The following CYTH1 variants were observed in gnomAD, a reference collection of about 807,000 sequenced individuals.
CYTH1 encodes the protein cytohesin-1.
In CYTH1, 18 loss-of-function variants were observed where a neutral mutation model predicts 61.8. That is an observed-to-expected ratio of 0.29 (90% CI 0.20 to 0.43). The LOEUF (loss-of-function observed/expected upper bound fraction) is 0.43. Ranked by LOEUF, CYTH1 falls within the 20% of genes least tolerant of loss-of-function variation. The pLI is 1.00. For missense variants in CYTH1, 336 were observed against 510.5 expected (o/e 0.66, Z 3.29); for synonymous variants, 174 against 184.3 (o/e 0.94, Z 0.45).
intron 1 of CYTH1, among the ~76,000 whole-genome samples, chr17:78,722,671 T>C (rs867955951): frequency 1.5e-4 from 23 of 152,352 alleles, no homozygotes; most frequent in African/African-American, 5.3e-4. Flanking sequence ...ATCTGTTTGT[T>C]TGCTAGCCCT....
At chr17:78,763,822 T>C (rs2093437981) in intron 1 of CYTH1, among the ~76,000 whole-genome samples, 2 of 152,188 alleles carry the variant, frequency 1.3e-5, no homozygotes, top group Non-Finnish European at 2.9e-5. Context: ...CTTTCAAACA[T>C]AGAATAGGCC....
intron 1 of CYTH1, among the ~76,000 whole-genome samples, chr17:78,743,120 A>ATTTT (rs2093347573): frequency 1.3e-5 from 2 of 152,258 alleles, no homozygotes; most frequent in Non-Finnish European, 2.9e-5. Context: ...TTGTAGAGAC[A>ATTTT]GAAAGATGTC....
At chr17:78,692,583 A>C (rs999692953) in intron 10 of CYTH1, 90 bp from the exon 11 acceptor site, 37 of 1,279,270 alleles carry the variant, frequency 2.9e-5, no homozygotes, top group Non-Finnish European at 4.2e-5. Flanking sequence ...CTTCTCAGAG[A>C]GGGTTGGGGG....
chr17:78,689,579 C>A (rs918440335), intron 11 of CYTH1, among the ~76,000 whole-genome samples: 26 of 152,208 alleles, frequency 1.7e-4, no homozygotes, highest in Non-Finnish European at 1.5e-5. Flanking sequence ...TCGCCTGCCA[C>A]TCACCTCCCG....
Position 78,698,286 on chromosome 17 carries a change from C to T in CYTH1, c.794G>A (p.Gly265Asp). The T allele has an allele frequency of 6.2e-7, 1 of 1,613,378 alleles. No individual in the cohort carries two copies. The highest frequency in any genetic ancestry group is 8.5e-7 in the Non-Finnish European group (1 of 1,179,752). Reference protein sequence around the residue: ...THTFFNPDREGWLLKLGGGRV... With the variant: ...THTFFNPDREDWLLKLGGGRV... ...GCGCTTACCGAGTTTCAATAGCCAG[C>T]CTTCTCGGTCTGGATTGAAGAAAGT... The change falls in exon 9 of 14, where the codon GGC (glycine) becomes GAC (aspartate). Residue 265 changes from glycine (G) to aspartate (D), a missense_variant. This residue lies in a region of CYTH1 where 125 missense variants were observed against 209.9 expected (regional missense o/e 0.60). Coordinates refer to ENST00000446868, the MANE Select transcript of CYTH1 (RefSeq NM_004762.6).
intron 10 of CYTH1, among the ~76,000 whole-genome samples, chr17:78,692,944 G>A (rs1235712355): frequency 1.3e-5 from 2 of 152,136 alleles, no homozygotes; most frequent in Non-Finnish European, 2.9e-5. Context: ...AGTGAAGGAA[G>A]GAGGAAGCAG....
intron 1 of CYTH1, among the ~76,000 whole-genome samples, chr17:78,758,520 C>T (rs1006387313): frequency 6.6e-6 from 1 of 152,140 alleles, no homozygotes; most frequent in African/African-American, 2.4e-5. Flanking sequence ...GCCTGACAAA[C>T]ATGGAGAAAC....
rs1023827993 is a variant in CYTH1, at chr17:78,725,406, T to C, written c.23-15674A>G. 3.3e-5 allele frequency among the ~76,000 whole-genome samples: 5 copies of C among 152,242 alleles called. No individual in the cohort carries two copies. In the East Asian group the frequency reaches 7.7e-4, roughly 23 times the overall value. ...ACCACCATGTTTCCCAGGGATTTCA[T>C]GTGAGATTAAGCTCTTGCTTTTCAG... is the stretch of plus-strand genomic sequence containing the variant. On this transcript the variant is annotated intron_variant, in intron 1 of 13. Transcript: ENST00000446868.
At chr17:78,725,452 AT>A (rs1452941781) in intron 1 of CYTH1, among the ~76,000 whole-genome samples, 10 of 152,210 alleles carry the variant, frequency 6.6e-5, no homozygotes, top group Non-Finnish European at 1.5e-4. Flanking sequence ...TACTGTAAAT[AT>A]TCTCATAGCA....
At chr17:78,706,638 A>G (rs928113059) in intron 3 of CYTH1, among the ~76,000 whole-genome samples, 1 of 152,236 alleles carries the variant, frequency 6.6e-6, no homozygotes, top group Non-Finnish European at 1.5e-5. Flanking sequence ...TCTCTTAAGT[A>G]ACTAGGAGTT....
At chr17:78,678,568 ATTT>A (rs1284057986) in intron 13 of CYTH1, 2 of 151,688 alleles carry the variant, frequency 1.3e-5, no homozygotes, top group African/African-American at 2.4e-5. Flanking sequence ...GATTCAATAA[ATTT>A]TTTTTTCAGT....
chr17:78,732,204 C>T (rs1028819189), intron 1 of CYTH1, among the ~76,000 whole-genome samples: 3 of 152,204 alleles, frequency 2.0e-5, no homozygotes, highest in Non-Finnish European at 2.9e-5. Context: ...AGATACCTGC[C>T]TTTTCTCTCC....
rs1165439458 is a variant in CYTH1, at chr17:78,698,492, G to C, written c.700-112C>G. On this transcript the variant is annotated intron_variant, in intron 8 of 13. Transcript: ENST00000446868. The stretch of plus-strand genomic sequence containing the variant: ...CATGTGCCTATAGTAAGCCAAGCCT[G>C]CTAGATGCTGAGACTAGAAGATTAT... 2.1e-5 allele frequency: 18 copies of C among 845,560 alleles called. No homozygotes were observed. In the East Asian group the frequency reaches 3.3e-4, roughly 15 times the overall value. 52.4% of individuals were successfully genotyped at this position (845,560 alleles called of 1,614,324 possible).
At chr17:78,750,410 G>C (rs1313011951) in intron 1 of CYTH1, among the ~76,000 whole-genome samples, 1 of 152,156 alleles carries the variant, frequency 6.6e-6, no homozygotes, top group Non-Finnish European at 1.5e-5. Context: ...TATCCCCCAG[G>C]AGATGTCAAA....
At chr17:78,745,653 G>C (rs1264662838) in intron 1 of CYTH1, among the ~76,000 whole-genome samples, 1 of 152,174 alleles carries the variant, frequency 6.6e-6, no homozygotes, top group Non-Finnish European at 1.5e-5. Flanking sequence ...CGGCGCTTTG[G>C]GAGGCCGAGG....
chr17:78,698,692 A>G lies in CYTH1; in HGVS notation c.699+128T>C, dbSNP rs1567839535. ...CTACCACTTTCTTAATGAAATTCAC[A>G]TGGTTAAACAAATTAAAAGAGGAGA... On this transcript the variant is annotated intron_variant, in intron 8 of 13. Coordinates refer to ENST00000446868, the MANE Select transcript of CYTH1 (RefSeq NM_004762.6). 4.3e-6 allele frequency: 5 copies of G among 1,171,482 alleles called. No homozygotes were observed. In the South Asian group the frequency reaches 5.1e-5, roughly 12 times the overall value. The allele number at this position is 1,171,482 out of a possible 1,614,324, so 72.6% of individuals were successfully genotyped here.
intron 1 of CYTH1, among the ~76,000 whole-genome samples, chr17:78,753,633 A>G (rs1373306379): frequency 6.6e-6 from 1 of 152,222 alleles, no homozygotes; most frequent in Non-Finnish European, 1.5e-5. Flanking sequence ...ACATTAACTG[A>G]GCAGTAATAA....
chr17:78,735,988 T>C (rs2093318410), intron 1 of CYTH1, among the ~76,000 whole-genome samples: 1 of 152,184 alleles, frequency 6.6e-6, no homozygotes, highest in South Asian at 2.1e-4. Context: ...CCATTACTCA[T>C]AGCTCCACTG....
rs567153657 is a variant in CYTH1, at chr17:78,750,052, G to T, written c.22+32150C>A. On this transcript the variant is annotated intron_variant, in intron 1 of 13. Coordinates refer to ENST00000446868, the MANE Select transcript of CYTH1 (RefSeq NM_004762.6). ...GGGGTGAGAATATGCTTCTCCACGT[G>T]CCCAGAAGGAAGGGAACATGAGATA... 7.0e-4 allele frequency among the ~76,000 whole-genome samples: 106 copies of T among 152,280 alleles called. 1 individual carries two copies. The highest frequency in any genetic ancestry group is 2.5e-3 in the African/African-American group (102 of 41,558).
Sources: allele counts gnomAD v4.1 joint callset (sites outside exome capture counted in the v4.1 genomes callset), GRCh38; gene constraint gnomAD v4.1.1; regional missense constraint gnomAD v4.1.1; transcripts MANE v1.5; gene names NCBI Gene and HGNC (gene_info 2026-07-23, HGNC 2026-07-21).